Variants in PTPRN2 observed in about 807,000 individuals in gnomAD.
PTPRN2 encodes the protein protein tyrosine phosphatase receptor type N2.
In PTPRN2, 74 loss-of-function variants were observed where a neutral mutation model predicts 118.8. The observed-to-expected ratio is 0.62, with a 90% confidence interval of 0.52 to 0.76. The LOEUF (loss-of-function observed/expected upper bound fraction) is 0.76, where lower values mean the gene tolerates loss of function less well. Among genes scored for constraint, PTPRN2 ranks in the 30% least tolerant of loss-of-function variants. The probability of loss-of-function intolerance (pLI) is 0.00; values close to 1 mark genes in which losing one functional copy is unlikely to be tolerated. For synonymous variants in PTPRN2, 641 were observed against 608.0 expected, an observed-to-expected ratio of 1.05 and a Z score of -0.80; for missense variants, 1,481 against 1,394.4, an observed-to-expected ratio of 1.06 and a Z score of -0.99.
chr7:157,830,141 G>A (rs951315928), intron 12 of PTPRN2, among the ~76,000 whole-genome samples: 3 of 134,682 alleles, frequency 2.2e-5, no homozygotes, highest in Admixed American at 8.5e-5. Context: ...TGCCAACCCT[G>A]GAAGAAAGGA....
chr7:157,786,072 G>A lies in PTPRN2; in HGVS notation c.1789-103135C>T, dbSNP rs545392534. 7.3e-4 allele frequency among the ~76,000 whole-genome samples: 111 copies of A among 152,282 alleles called. 1 individual carries two copies. Among genetic ancestry groups the A allele is most frequent in the Non-Finnish European group, 1.1e-3 (77 of 68,010 alleles). ...CCCCTGTGGGGCACGAGCGTTAGCCGCACTCCGAGTGCGCGCCAAGGGCTT... is the reference window on the plus strand; with the variant it reads ...CCCCTGTGGGGCACGAGCGTTAGCCACACTCCGAGTGCGCGCCAAGGGCTT... On this transcript the variant is annotated intron_variant, in intron 12 of 22. Transcript: ENST00000389418.
chr7:157,940,736 CCCA>C, intron 11 of PTPRN2, among the ~76,000 whole-genome samples: 1 of 107,292 alleles, frequency 9.3e-6, no homozygotes, highest in African/African-American at 5.3e-5. Context: ...AACGCCCTGC[CCCA>C]TGACACTGCA....
chr7:157,633,187 C>G (rs917159273), intron 14 of PTPRN2, among the ~76,000 whole-genome samples: 1 of 150,974 alleles, frequency 6.6e-6, no homozygotes, highest in African/African-American at 2.4e-5. Context: ...GTTGCCCAGG[C>G]TGGAGTGCAG....
chr7:158,053,778 T>C (rs968265150), intron 11 of PTPRN2, among the ~76,000 whole-genome samples: 46 of 140,150 alleles, frequency 3.3e-4, no homozygotes, highest in African/African-American at 1.1e-3. Flanking sequence ...ACCCCAGAAA[T>C]GCAGAGACTC....
intron 1 of PTPRN2, among the ~76,000 whole-genome samples, chr7:158,522,372 C>T (rs1332342088): frequency 1.4e-5 from 2 of 138,968 alleles, no homozygotes; most frequent in African/African-American, 5.4e-5. Flanking sequence ...GGTGCTGGCT[C>T]GGGAGGGAGG....
intron 3 of PTPRN2, among the ~76,000 whole-genome samples, chr7:158,267,055 C>T (rs770814706): frequency 1.3e-5 from 2 of 152,250 alleles, no homozygotes; most frequent in Non-Finnish European, 2.9e-5. Flanking sequence ...GCGTCGTCTC[C>T]AGTGACTGGC....
At chr7:157,822,807 CATCCATCCTTAT>C (rs1345258413) in intron 12 of PTPRN2, among the ~76,000 whole-genome samples, 1 of 152,048 alleles carries the variant, frequency 6.6e-6, no homozygotes, top group Non-Finnish European at 1.5e-5. Flanking sequence ...CCCATCCATC[CATCCATCCTTAT>C]ATCCATCCAC....
At chr7:158,157,642 G>A (rs988173847) in intron 6 of PTPRN2, among the ~76,000 whole-genome samples, 13 of 152,256 alleles carry the variant, frequency 8.5e-5, no homozygotes, top group Non-Finnish European at 5.9e-5. Context: ...CACGGCCGCT[G>A]CCACCCCGCA....
intron 9 of PTPRN2, among the ~76,000 whole-genome samples, chr7:158,119,458 G>A (rs1442859552): frequency 4.6e-5 from 7 of 152,162 alleles, no homozygotes; most frequent in Non-Finnish European, 4.4e-5. Flanking sequence ...ATCAAGTGTG[G>A]AAGAGTATGG....
Position 158,013,364 on chromosome 7 carries a change from T to A in PTPRN2, c.1723+67934A>T, listed in dbSNP as rs141040236. The stretch of plus-strand genomic sequence containing the variant: ...CTCCAGCAAACCATTCATCTATATA[T>A]CCATCCATCATCCACCTACACATCC... On this transcript the variant is annotated intron_variant, in intron 11 of 22. Coordinates refer to ENST00000389418, the MANE Select transcript of PTPRN2 (RefSeq NM_002847.5). Among the ~76,000 whole-genome samples, 3 of 152,230 alleles carry A rather than the reference T, an allele frequency of 2.0e-5. No homozygotes were observed. In the East Asian group the frequency reaches 5.8e-4, roughly 29 times the overall value.
At chr7:158,181,239 T>C (rs947118908) in intron 5 of PTPRN2, among the ~76,000 whole-genome samples, 1 of 152,182 alleles carries the variant, frequency 6.6e-6, no homozygotes, top group African/African-American at 2.4e-5. Flanking sequence ...ACGTATCACA[T>C]TTACTGACTT....
At chr7:158,530,998 G>A (rs946952591) in intron 1 of PTPRN2, among the ~76,000 whole-genome samples, 2 of 152,188 alleles carry the variant, frequency 1.3e-5, no homozygotes, top group Non-Finnish European at 2.9e-5. Flanking sequence ...GTGGCCACAT[G>A]TATGTATATG....
chr7:158,225,825 G>A (rs1828725242), intron 3 of PTPRN2, among the ~76,000 whole-genome samples: 1 of 152,032 alleles, frequency 6.6e-6, no homozygotes, highest in South Asian at 2.1e-4. Context: ...GAGTAGCATG[G>A]GAAGGGACTT....
chr7:158,538,616 A>C (rs1825790052), intron 1 of PTPRN2, among the ~76,000 whole-genome samples: 1 of 152,170 alleles, frequency 6.6e-6, no homozygotes, highest in Non-Finnish European at 1.5e-5. Context: ...CGCCCTAGGC[A>C]CTGAGAATAG....
intron 2 of PTPRN2, among the ~76,000 whole-genome samples, chr7:158,332,758 G>A (rs1319485507): frequency 6.0e-5 from 9 of 150,834 alleles, no homozygotes; most frequent in Admixed American, 4.6e-4. Context: ...GCCCACAGAG[G>A]ACACTCACAC....
At chr7:158,257,873 G>A (rs1797136669) in intron 3 of PTPRN2, among the ~76,000 whole-genome samples, 1 of 152,234 alleles carries the variant, frequency 6.6e-6, no homozygotes, top group African/African-American at 2.4e-5. Context: ...TGGGCTCCTT[G>A]CTGTCAGCTG....
intron 1 of PTPRN2, among the ~76,000 whole-genome samples, chr7:158,499,489 C>T (rs1281515416): frequency 6.6e-6 from 1 of 152,150 alleles, no homozygotes; most frequent in Non-Finnish European, 1.5e-5. Context: ...AAATGATTGG[C>T]CTTATACAAA....
At chr7:157,705,807 G>A (rs1262307151) in intron 12 of PTPRN2, among the ~76,000 whole-genome samples, 2 of 151,814 alleles carry the variant, frequency 1.3e-5, no homozygotes, top group African/African-American at 4.8e-5. Context: ...AGAATGCTGG[G>A]AATTGAATGA....
rs187476227 is a variant in PTPRN2 at position 157,833,551 on chromosome 7, G to A, written c.1788+65122C>T. ...TATGACGGTGAATTTGTCCAGGAGC[G>A]AGATGTGGCCGGTGCCCATCTATCC... On this transcript the variant is annotated intron_variant, in intron 12 of 22. Transcript: ENST00000389418. Among the ~76,000 whole-genome samples, 8 of 151,438 alleles carry A rather than the reference G, an allele frequency of 5.3e-5. No individual in the cohort carries two copies. In the East Asian group the frequency reaches 5.9e-4, roughly 11 times the overall value.
Sources: allele counts gnomAD v4.1 joint callset (sites outside exome capture counted in the v4.1 genomes callset), GRCh38; gene constraint gnomAD v4.1.1; transcripts MANE v1.5; gene names NCBI Gene and HGNC (gene_info 2026-07-23, HGNC 2026-07-21).